Variants in TEX14 observed in about 807,000 individuals in gnomAD.
TEX14 encodes inactive serine/threonine-protein kinase TEX14.
In TEX14, 168 loss-of-function variants were observed where a neutral mutation model predicts 178.6. The observed-to-expected ratio is 0.94, with a 90% CI of 0.83 to 1.07. TEX14 has a LOEUF of 1.07. Among genes scored for constraint, TEX14 ranks in the 50% least tolerant of loss-of-function variants. The pLI is 0.00. For synonymous variants in TEX14, 626 were observed against 634.1 expected (o/e 0.99, Z 0.19); for missense variants, 1,730 against 1,753.6 (o/e 0.99, Z 0.24).
chr17:58,557,932 C>A, intron 30 of TEX14, 82 bp from the exon 31 acceptor site: 1 of 1,065,506 alleles, frequency 9.4e-7, no homozygotes, highest in South Asian at 1.4e-5. Flanking sequence ...TTAGTGCTCC[C>A]TCTAATTTAG....
chr17:58,646,963 T>C lies in TEX14; in HGVS notation c.136+4903A>G, dbSNP rs190219895. On this transcript the variant is annotated intron_variant, in intron 2 of 31. Transcript: ENST00000349033. ...TCTTGTTTCCCAGGCTGGAGTGCGA[T>C]GGCACCATCTCGGCTCACTGCATCC... 4.0e-5 allele frequency among the ~76,000 whole-genome samples: 6 copies of C among 151,874 alleles called. No individual in the cohort carries two copies. In the East Asian group the frequency reaches 1.2e-3, roughly 30 times the overall value.
At position 58,572,398 on chromosome 17, in the gene TEX14, C is replaced by T. The variant is rs866915604; in HGVS notation, c.3512-272G>A. ...GTAATCCCAGCACTTTGTGGGAGGC[C>T]GAGGTGGGTGGATCACGAGGTCAGG... On this transcript the variant is annotated intron_variant, in intron 23 of 31. Coordinates refer to ENST00000349033, the MANE Select transcript of TEX14 (RefSeq NM_031272.5). Among the ~76,000 whole-genome samples the T allele has an allele frequency of 5.9e-5, 9 of 152,026 alleles. No individual in the cohort carries two copies. In the South Asian group the frequency reaches 6.2e-4, roughly 10 times the overall value.
In TEX14 at chr17:58,643,706, C is replaced by T. The variant is rs1298955501; in HGVS notation, c.136+8160G>A. ...CCAAACTGGTGAAACCCCATTTCTA[C>T]TAAAAAAACACAAAAATTAGCCAGG... On this transcript the variant is annotated intron_variant, in intron 2 of 31. Coordinates refer to ENST00000349033, the MANE Select transcript of TEX14 (RefSeq NM_031272.5). Among the ~76,000 whole-genome samples the T allele has an allele frequency of 1.2e-4, 18 of 151,342 alleles. No homozygotes were observed. In the East Asian group the frequency reaches 3.5e-3, roughly 29 times the overall value.
At chr17:58,672,818 G>A (rs893031178) in intron 1 of TEX14, among the ~76,000 whole-genome samples, 3 of 150,868 alleles carry the variant, frequency 2.0e-5, no homozygotes, top group Non-Finnish European at 3.0e-5. Flanking sequence ...TGCAACCTTT[G>A]CCTCCTGGGT....
chr17:58,635,591 A>G (rs1385165565), intron 2 of TEX14, among the ~76,000 whole-genome samples: 1 of 152,036 alleles, frequency 6.6e-6, no homozygotes, highest in Non-Finnish European at 1.5e-5. Flanking sequence ...AACCATGCCC[A>G]GCTAATTTTT....
chr17:58,604,283 C>A (rs2045551878), intron 11 of TEX14, among the ~76,000 whole-genome samples: 1 of 150,994 alleles, frequency 6.6e-6, no homozygotes. Context: ...CCAGCCTGGC[C>A]AATATGGTAA....
At chr17:58,629,864 T>C (rs1350658898) in intron 3 of TEX14, among the ~76,000 whole-genome samples, 1 of 151,092 alleles carries the variant, frequency 6.6e-6, no homozygotes, top group Non-Finnish European at 1.5e-5. Context: ...TAAATAAAAT[T>C]TAGACCAACT....
chr17:58,679,579 C>T (rs764740203), intron 1 of TEX14: 15 of 152,226 alleles, frequency 9.9e-5, no homozygotes, highest in Admixed American at 6.6e-5. Context: ...AATTAAGTTT[C>T]CCACATTTGT....
intron 17 of TEX14, among the ~76,000 whole-genome samples, chr17:58,586,654 T>C (rs554376866): frequency 3.9e-5 from 6 of 152,258 alleles, no homozygotes; most frequent in Non-Finnish European, 8.8e-5. Context: ...TCCACTTTTA[T>C]AATGTTATAT....
chr17:58,682,430 G>T (rs1251627335), intron 1 of TEX14, among the ~76,000 whole-genome samples: 1 of 151,386 alleles, frequency 6.6e-6, no homozygotes, highest in Non-Finnish European at 1.5e-5. Flanking sequence ...GCTAGTTTTT[G>T]TATTTTTAGT....
At chr17:58,583,931 T>C (rs1178655076) in intron 19 of TEX14, among the ~76,000 whole-genome samples, 2 of 152,246 alleles carry the variant, frequency 1.3e-5, no homozygotes, top group Non-Finnish European at 2.9e-5. Context: ...TGCAATCCCA[T>C]GTCAATGACA....
chr17:58,670,766 C>T (rs1389748898), intron 1 of TEX14, among the ~76,000 whole-genome samples: 3 of 97,492 alleles, frequency 3.1e-5, no homozygotes, highest in African/African-American at 1.3e-4. Context: ...GAGTGAGACT[C>T]CCTCTTAAAA....
In TEX14 at chr17:58,579,656, G is replaced by C. The variant is rs940895663; in HGVS notation, c.3238+9C>G. 3 of 1,610,254 alleles carry C rather than the reference G, an allele frequency of 1.9e-6. No homozygotes were observed. Among genetic ancestry groups the C allele is most frequent in the East Asian group, 2.2e-5 (1 of 44,862 alleles). ...GATTCTCAAGGAATCTTCCCTAAGGGCTTATTACCAGAGACTTGAGGTTGG... is the reference window on the plus strand; with the variant it reads ...GATTCTCAAGGAATCTTCCCTAAGGCCTTATTACCAGAGACTTGAGGTTGG... On this transcript the variant is annotated intron_variant, in intron 20 of 31. Transcript: ENST00000349033.
intron 15 of TEX14, among the ~76,000 whole-genome samples, chr17:58,592,231 ATTT>A (rs1313507396): frequency 7.0e-6 from 1 of 143,852 alleles, no homozygotes; most frequent in Non-Finnish European, 1.6e-5. Context: ...TTCTTTATTT[ATTT>A]AATTTTTTTT....
chr17:58,576,934 G>C lies in TEX14; in HGVS notation c.3320+441C>G, dbSNP rs575096539. ...TCTGTTTAATCATTTACTTGGTGAA[G>C]GACATCCGGGTTTCCAGTTTGGAGG... On this transcript the variant is annotated intron_variant, in intron 21 of 31. Transcript: ENST00000349033. Among the ~76,000 whole-genome samples, 7 of 152,330 alleles carry C rather than the reference G, an allele frequency of 4.6e-5. No homozygotes were observed. The South Asian group carries it at 1.4e-3, about 32-fold the overall frequency.
chr17:58,606,140 T>G (rs1435667147), intron 10 of TEX14, among the ~76,000 whole-genome samples: 1 of 152,150 alleles, frequency 6.6e-6, no homozygotes, highest in East Asian at 1.9e-4. Context: ...AAATAACTCT[T>G]CCCAACCAGA....
chr17:58,609,813 G>C (rs945062686), intron 10 of TEX14, among the ~76,000 whole-genome samples: 1 of 152,210 alleles, frequency 6.6e-6, no homozygotes, highest in African/African-American at 2.4e-5. Flanking sequence ...GGGCATTTGA[G>C]ATATAGCAGT....
intron 15 of TEX14, among the ~76,000 whole-genome samples, chr17:58,592,358 G>C (rs1016136615): frequency 6.8e-6 from 1 of 147,606 alleles, no homozygotes; most frequent in African/African-American, 2.5e-5. Flanking sequence ...TTTTTGAGAC[G>C]GAGTCTTGCT....
At chr17:58,659,236 A>G (rs202091694) in intron 1 of TEX14, 1 of 456,052 alleles carries the variant, frequency 2.2e-6, no homozygotes, top group Non-Finnish European at 2.5e-6. Flanking sequence ...GCAAACACAT[A>G]GTAAAAACCC....
Sources: allele counts gnomAD v4.1 joint callset (sites outside exome capture counted in the v4.1 genomes callset), GRCh38; gene constraint gnomAD v4.1.1; transcripts MANE v1.5; gene names NCBI Gene and HGNC (gene_info 2026-07-23, HGNC 2026-07-21).